KLHL18: variants seen among roughly 807,000 people sequenced by gnomAD.
The protein encoded by KLHL18 is kelch-like protein 18.
KLHL18 carries 38 observed loss-of-function variants against 58.5 expected under a neutral mutation model. The observed-to-expected ratio is 0.65, with a 90% CI of 0.50 to 0.85. The LOEUF (loss-of-function observed/expected upper bound fraction) is 0.85. KLHL18 is among the 40% of genes least tolerant of loss of function. The pLI is 0.00. For missense variants in KLHL18, 624 were observed against 778.4 expected, an observed-to-expected ratio of 0.80 and a Z score of 2.36; for synonymous variants, 303 against 301.9, an observed-to-expected ratio of 1.00 and a Z score of -0.04.
intron 1 of KLHL18, chr3:47,297,596 G>C (rs774282951): frequency 2.2e-6 from 1 of 456,714 alleles, no homozygotes; most frequent in South Asian, 1.5e-5. Context: ...AGAAGGTCAT[G>C]CTTTTCCACC....
chr3:47,283,190 A>T, intron 1 of KLHL18, 96 bp downstream of exon 1: 1,718 of 186,154 alleles, frequency 9.2e-3, no homozygotes, highest in East Asian at 0.021. Flanking sequence ...TAGCAGGGAG[A>T]GGGGTGGGGA....
chr3:47,288,872 T>C (rs936184907), intron 1 of KLHL18, among the ~76,000 whole-genome samples: 5 of 152,204 alleles, frequency 3.3e-5, no homozygotes, highest in Non-Finnish European at 7.3e-5. Context: ...CCATGGACGC[T>C]CTCATCCCTT....
intron 1 of KLHL18, among the ~76,000 whole-genome samples, chr3:47,292,366 CGGGAGGCTG>C: frequency 6.6e-6 from 1 of 150,790 alleles, no homozygotes; most frequent in East Asian, 2.0e-4. Context: ...CCCAGCTACT[CGGGAGGCTG>C]AGGCGGGAGA....
chr3:47,320,835 C>A (rs891934927), intron 2 of KLHL18, among the ~76,000 whole-genome samples: 4 of 152,132 alleles, frequency 2.6e-5, no homozygotes, highest in African/African-American at 7.2e-5. Context: ...AGGAGGTGAG[C>A]CGAGGAAGTC....
rs1704215418 is a variant in KLHL18 at position 47,345,846 on chromosome 3, T to C, written c.*1905T>C. 6.6e-6 allele frequency: 1 copy of C among 152,632 alleles called. No individual in the cohort carries two copies. Among genetic ancestry groups the C allele is most frequent in the South Asian group, 2.1e-4 (1 of 4,834 alleles). The allele number at this position is 152,632 out of a possible 1,614,324, so 9.5% of individuals were successfully genotyped here. A position where few individuals can be genotyped will look rare whatever the true frequency, so the allele number is the denominator to read the frequency against. On this transcript the variant is annotated 3_prime_UTR_variant, in exon 10 of 10. Transcript: ENST00000232766. ...CAATCGCCATGTATTCAGAGGGAAG[T>C]ACCTTTGTTACCTACAACTTAGGAG...
intron 4 of KLHL18, among the ~76,000 whole-genome samples, chr3:47,331,075 C>T (rs1703847681): frequency 6.6e-6 from 1 of 151,956 alleles, no homozygotes; most frequent in Admixed American, 6.6e-5. Context: ...TAAGGAAGAA[C>T]AGAACATTGG....
At chr3:47,305,451 C>T (rs901887261) in intron 1 of KLHL18, among the ~76,000 whole-genome samples, 38 of 150,614 alleles carry the variant, frequency 2.5e-4, no homozygotes, top group Admixed American at 2.0e-3. Flanking sequence ...TGCCTTAACC[C>T]GGATAAACCC....
rs952257183 is a variant in KLHL18 at position 47,319,647 on chromosome 3, C to G, written c.130-6C>G. On this transcript the variant is annotated splice_polypyrimidine_tract_variant and splice_region_variant and intron_variant, in intron 1 of 9. Transcript: ENST00000232766. ...TATCTGTCTTTGTATTTTACTTTGCCCACAGATTGGGGACCACAAATTCAG... is the reference window on the plus strand; with the variant it reads ...TATCTGTCTTTGTATTTTACTTTGCGCACAGATTGGGGACCACAAATTCAG... The G allele has an allele frequency of 6.2e-7, 1 of 1,612,740 alleles. No homozygotes were observed. The highest frequency in any genetic ancestry group is 8.5e-7 in the Non-Finnish European group (1 of 1,179,228).
chr3:47,297,180 T>C (rs1702914574), intron 1 of KLHL18, among the ~76,000 whole-genome samples: 1 of 152,144 alleles, frequency 6.6e-6, no homozygotes, highest in Non-Finnish European at 1.5e-5. Flanking sequence ...AGACCAAAAC[T>C]CCATCACAGA....
chr3:47,332,495 G>A (rs1312562885), intron 4 of KLHL18, among the ~76,000 whole-genome samples: 2 of 151,850 alleles, frequency 1.3e-5, no homozygotes, highest in Non-Finnish European at 2.9e-5. Flanking sequence ...GGAGAAAAGT[G>A]GATCCTGGGC....
chr3:47,284,489 C>G (rs1401000037), intron 1 of KLHL18, among the ~76,000 whole-genome samples: 1 of 151,950 alleles, frequency 6.6e-6, no homozygotes, highest in Admixed American at 6.6e-5. Flanking sequence ...GCGCGCACCA[C>G]TACCCCTGGC....
intron 1 of KLHL18, 169 bp downstream of exon 1, chr3:47,283,263 C>G: frequency 1.5e-5 from 9 of 599,186 alleles, no homozygotes; most frequent in South Asian, 6.9e-5. Context: ...GGATCGGGGC[C>G]GAGTGGGGAG....
chr3:47,342,202 G>A (rs1048396315), intron 8 of KLHL18, among the ~76,000 whole-genome samples: 1 of 152,238 alleles, frequency 6.6e-6, no homozygotes, highest in Non-Finnish European at 1.5e-5. Context: ...CTCTGGCTGG[G>A]TGGGGTCGGA....
At chr3:47,327,424 G>T (rs928660023) in intron 3 of KLHL18, among the ~76,000 whole-genome samples, 2 of 152,242 alleles carry the variant, frequency 1.3e-5, no homozygotes, top group Non-Finnish European at 2.9e-5. Context: ...CTGCCCCGTG[G>T]CATTTTGAAT....
chr3:47,298,104 G>A, intron 1 of KLHL18, among the ~76,000 whole-genome samples: 1 of 152,082 alleles, frequency 6.6e-6, no homozygotes, highest in Non-Finnish European at 1.5e-5. Flanking sequence ...TGGGGGCCAG[G>A]TGCAGCGGCT....
chr3:47,312,401 A>G (rs1703322933), intron 1 of KLHL18, among the ~76,000 whole-genome samples: 1 of 152,212 alleles, frequency 6.6e-6, no homozygotes, highest in African/African-American at 2.4e-5. Context: ...GTATGTAGCA[A>G]AATGTGACTA....
intron 8 of KLHL18, 117 bp downstream of exon 8, chr3:47,340,793 C>T (rs1243724251): frequency 1.8e-6 from 2 of 1,117,122 alleles, no homozygotes; most frequent in Non-Finnish European, 2.6e-6. Flanking sequence ...TACCTTTTTG[C>T]CCGTATAGTA....
intron 1 of KLHL18, among the ~76,000 whole-genome samples, chr3:47,289,938 C>T (rs922008645): frequency 6.6e-6 from 1 of 152,180 alleles, no homozygotes; most frequent in Non-Finnish European, 1.5e-5. Context: ...GATGGTTACA[C>T]TAAAAGCCCA....
At chr3:47,295,747 A>T (rs557966644) in intron 1 of KLHL18, among the ~76,000 whole-genome samples, 208 of 145,812 alleles carry the variant, frequency 1.4e-3, no homozygotes, top group African/African-American at 3.8e-3. Context: ...TTAAAAAAAA[A>T]TTTTTTTTTT....
Sources: allele counts gnomAD v4.1 joint callset (sites outside exome capture counted in the v4.1 genomes callset), GRCh38; gene constraint gnomAD v4.1.1; transcripts MANE v1.5; gene names NCBI Gene and HGNC (gene_info 2026-07-23, HGNC 2026-07-21).